The following PTGFRN variants were observed in gnomAD, a reference collection of about 807,000 sequenced individuals.
PTGFRN encodes the protein prostaglandin F2 receptor negative regulator.
In PTGFRN, 35 loss-of-function variants were observed where a neutral mutation model predicts 83.2. The ratio of observed to expected loss-of-function variants is 0.42; its 90% CI spans 0.32 to 0.56. The LOEUF (loss-of-function observed/expected upper bound fraction) is 0.56. Ranked by LOEUF, PTGFRN falls within the 20% of genes least tolerant of loss-of-function variation. PTGFRN has a pLI of 0.11. For synonymous variants in PTGFRN, 519 were observed against 498.6 expected, an observed-to-expected ratio of 1.04 and a Z score of -0.55; for missense variants, 1,051 against 1,179.5, an observed-to-expected ratio of 0.89 and a Z score of 1.60.
At chr1:116,945,291 G>A (rs193248291) in intron 3 of PTGFRN, among the ~76,000 whole-genome samples, 199 bp downstream of exon 3, 3 of 152,242 alleles carry the variant, frequency 2.0e-5, no homozygotes, top group African/African-American at 7.2e-5. Flanking sequence ...TTGTGCTGAG[G>A]ATGCCTGTCG....
intron 7 of PTGFRN, among the ~76,000 whole-genome samples, chr1:116,984,114 C>T (rs867568345): frequency 4.6e-5 from 7 of 152,308 alleles, no homozygotes; most frequent in South Asian, 2.1e-4. Flanking sequence ...AACTTAAGCA[C>T]TTCTGCAAGG....
intron 7 of PTGFRN, among the ~76,000 whole-genome samples, chr1:116,977,113 A>G (rs1284746558): frequency 4.6e-5 from 7 of 150,590 alleles, no homozygotes; most frequent in African/African-American, 1.7e-4. Flanking sequence ...ACAAAGATCA[A>G]AAGAGACAAA....
At chr1:116,976,559 G>A (rs1342853662) in intron 7 of PTGFRN, among the ~76,000 whole-genome samples, 1 of 152,156 alleles carries the variant, frequency 6.6e-6, no homozygotes, top group Non-Finnish European at 1.5e-5. Context: ...AGAGAGTCGG[G>A]GCCAATATTT....
chr1:116,917,668 C>T (rs571028890), intron 1 of PTGFRN, among the ~76,000 whole-genome samples: 16 of 152,168 alleles, frequency 1.1e-4, no homozygotes, highest in Non-Finnish European at 2.2e-4. Context: ...CTCACGCTAT[C>T]ACCCTGGCTG....
At chr1:116,955,237 C>T (rs1438984092) in intron 4 of PTGFRN, among the ~76,000 whole-genome samples, 1 of 152,184 alleles carries the variant, frequency 6.6e-6, no homozygotes, top group Non-Finnish European at 1.5e-5. Context: ...TCCTGGCATC[C>T]AGATTAGGGA....
intron 1 of PTGFRN, among the ~76,000 whole-genome samples, chr1:116,919,928 C>T (rs1421580683): frequency 6.6e-6 from 1 of 152,238 alleles, no homozygotes; most frequent in Non-Finnish European, 1.5e-5. Context: ...CTCTCAGCCC[C>T]TGTAAAATAA....
chr1:116,938,689 A>G (rs1449931990), intron 1 of PTGFRN, among the ~76,000 whole-genome samples: 2 of 152,108 alleles, frequency 1.3e-5, no homozygotes, highest in African/African-American at 2.4e-5. Flanking sequence ...AAAACCAATC[A>G]TGCCTTCCCA....
chr1:116,917,787 A>G (rs1649441354), intron 1 of PTGFRN, among the ~76,000 whole-genome samples: 2 of 151,926 alleles, frequency 1.3e-5, no homozygotes, highest in Admixed American at 1.3e-4. Context: ...AGGCCTGGTT[A>G]ATTTTTTATC....
chr1:116,914,314 A>G (rs2254348), intron 1 of PTGFRN, among the ~76,000 whole-genome samples: 9,485 of 152,244 alleles, frequency 0.062, 936 homozygotes, highest in African/African-American at 0.21. Flanking sequence ...CACACGTTCT[A>G]TTGGAGAGAC....
intron 6 of PTGFRN, among the ~76,000 whole-genome samples, chr1:116,972,251 T>C (rs1651024247): frequency 6.6e-6 from 1 of 152,202 alleles, no homozygotes; most frequent in African/African-American, 2.4e-5. Context: ...TTTGCTTTCA[T>C]CCCTTTCCCC....
chr1:116,983,241 C>G (rs1166267175), intron 7 of PTGFRN, among the ~76,000 whole-genome samples: 2 of 152,254 alleles, frequency 1.3e-5, no homozygotes, highest in East Asian at 3.9e-4. Flanking sequence ...GCCCAGGCAG[C>G]CTGGCCCTGG....
At position 116,967,392 on chromosome 1, in the gene PTGFRN, G is replaced by T; in HGVS notation, c.2059+62G>T. 4 of 1,494,332 alleles carry T rather than the reference G, an allele frequency of 2.7e-6. No homozygotes were observed. In the South Asian group the frequency reaches 5.2e-5, roughly 20 times the overall value. The allele number at this position is 1,494,332 out of a possible 1,614,324, so 92.6% of individuals were successfully genotyped here. On this transcript the variant is annotated intron_variant, in intron 6 of 8. Coordinates refer to ENST00000393203, the MANE Select transcript of PTGFRN (RefSeq NM_020440.4). Reference sequence around the variant, plus strand: ...AGAAGAGACCCTAGGGTTTTGATCAGATGCCCTCATTTTTTAAAACAGCTT... The same window carrying T: ...AGAAGAGACCCTAGGGTTTTGATCATATGCCCTCATTTTTTAAAACAGCTT...
At position 116,961,673 on chromosome 1, in the gene PTGFRN, G is replaced by A; in HGVS notation, c.1639+5G>A. ...ACATATTTTGGGCATTAGAAGGTAGGAACTTTTTTCTTGTTATTCATTTTT... is the reference window on the plus strand; with the variant it reads ...ACATATTTTGGGCATTAGAAGGTAGAAACTTTTTTCTTGTTATTCATTTTT... On this transcript the variant is annotated splice_donor_5th_base_variant and intron_variant, in intron 5 of 8. Transcript: ENST00000393203. The surrounding 1 kb of genome is among the most constrained non-coding windows in gnomAD (Gnocchi z 5.4). 6.3e-7 allele frequency: 1 copy of A among 1,593,994 alleles called. No individual in the cohort carries two copies. The highest frequency in any genetic ancestry group is 8.5e-7 in the Non-Finnish European group (1 of 1,170,050).
intron 3 of PTGFRN, 25 bp downstream of exon 3, chr1:116,945,117 G>T: frequency 6.3e-7 from 1 of 1,579,604 alleles, no homozygotes. Flanking sequence ...ATGCGTTATA[G>T]GTGATGTTAT....
chr1:116,922,563 C>T (rs1185070140), intron 1 of PTGFRN, among the ~76,000 whole-genome samples: 1 of 152,150 alleles, frequency 6.6e-6, no homozygotes, highest in Non-Finnish European at 1.5e-5. Flanking sequence ...GGGAGGGCCA[C>T]AGAGGTAGCA....
At chr1:116,974,142 C>A in intron 6 of PTGFRN, 74 bp from the exon 7 acceptor site, 1 of 1,169,612 alleles carries the variant, frequency 8.5e-7, no homozygotes, top group Non-Finnish European at 1.3e-6. Flanking sequence ...TTTTGATGCC[C>A]CTTAGAGTGC....
intron 4 of PTGFRN, among the ~76,000 whole-genome samples, chr1:116,950,439 T>C (rs1436120812): frequency 5.3e-5 from 8 of 152,132 alleles, no homozygotes; most frequent in Non-Finnish European, 1.0e-4. Flanking sequence ...CCTGTTTTGA[T>C]CTCTCTACTG....
chr1:116,980,837 T>C (rs908706072), intron 7 of PTGFRN, among the ~76,000 whole-genome samples: 5 of 152,170 alleles, frequency 3.3e-5, no homozygotes, highest in African/African-American at 1.2e-4. Flanking sequence ...ACATGTACCC[T>C]AGAACTTAAA....
intron 7 of PTGFRN, among the ~76,000 whole-genome samples, chr1:116,982,609 G>C (rs991204994): frequency 6.6e-6 from 1 of 152,076 alleles, no homozygotes; most frequent in Non-Finnish European, 1.5e-5. Flanking sequence ...GTTCTCAGGA[G>C]AACACTGAGG....
Sources: gnomAD v4.1 joint callset for allele counts (sites outside exome capture counted in the v4.1 genomes callset) on GRCh38, gnomAD v4.1.1 for gene constraint, Gnocchi (gnomAD v3.1) non-coding constraint, MANE v1.5 for transcripts, NCBI Gene and HGNC (gene_info 2026-07-23, HGNC 2026-07-21) for gene names.